DOCK9: variants seen among roughly 807,000 people sequenced by gnomAD.
DOCK9 encodes dedicator of cytokinesis protein 9.
DOCK9 carries 89 observed loss-of-function variants against 263.3 expected under a neutral mutation model. The ratio of observed to expected loss-of-function variants is 0.34; its 90% CI spans 0.28 to 0.40. DOCK9 has a LOEUF of 0.40. Among genes scored for constraint, DOCK9 ranks in the 10% least tolerant of loss-of-function variants. DOCK9 has a pLI of 1.00. For synonymous variants in DOCK9, 976 were observed against 973.1 expected, an observed-to-expected ratio of 1.00 and a Z score of -0.06; for missense variants, 2,140 against 2,603.4, an observed-to-expected ratio of 0.82 and a Z score of 3.87.
chr13:99,051,826 T>C (rs2040708006), intron 1 of DOCK9, among the ~76,000 whole-genome samples: 1 of 124,414 alleles, frequency 8.0e-6, no homozygotes, highest in Admixed American at 9.0e-5. Context: ...ATTTCCAGTT[T>C]GCAGCTAAAG....
At chr13:98,990,740 T>C (rs951289107) in intron 1 of DOCK9, among the ~76,000 whole-genome samples, 2 of 152,216 alleles carry the variant, frequency 1.3e-5, no homozygotes, top group Admixed American at 6.5e-5. Context: ...CAGCAATACA[T>C]ATGAGCACCC....
chr13:98,907,693 C>T (rs182315634), intron 9 of DOCK9, among the ~76,000 whole-genome samples: 3 of 152,238 alleles, frequency 2.0e-5, no homozygotes, highest in African/African-American at 4.8e-5. Flanking sequence ...AAAGCAAATT[C>T]GGCTTCTTAA....
In DOCK9 at chr13:98,977,796, CG is replaced by C; in HGVS notation, c.113del (p.Pro38ArgfsTer10). On this transcript the variant is annotated frameshift_variant, in exon 1 of 53. Coordinates refer to ENST00000682017, the MANE Select transcript of DOCK9 (RefSeq NM_001366683.2). LOFTEE classifies it high-confidence loss of function. ...AAQGEVEAES[P>X]GPVPAKPKLI... Reference sequence around the variant, plus strand: ...GAGACCCTCTTACCGGCACAGGGCCCGGGCTCTCTGCTTCCACTTCGCCCTG... The same window carrying C: ...GAGACCCTCTTACCGGCACAGGGCCCGGCTCTCTGCTTCCACTTCGCCCTG... 4.3e-6 allele frequency: 7 copies of C among 1,611,788 alleles called. No homozygotes were observed. The highest frequency in any genetic ancestry group is 5.9e-6 in the Non-Finnish European group (7 of 1,179,054).
intron 13 of DOCK9, among the ~76,000 whole-genome samples, chr13:98,900,631 T>A (rs1386732317): frequency 6.6e-6 from 1 of 152,194 alleles, no homozygotes; most frequent in African/African-American, 2.4e-5. Context: ...CAGCACTGAC[T>A]CATACATGAT....
chr13:99,048,499 G>A (rs958703581), intron 1 of DOCK9, among the ~76,000 whole-genome samples: 10 of 152,146 alleles, frequency 6.6e-5, no homozygotes, highest in Admixed American at 2.6e-4. Flanking sequence ...GGCTTATCAC[G>A]GAAAGCAAGG....
chr13:98,845,716 G>A (rs550925482), intron 38 of DOCK9, among the ~76,000 whole-genome samples: 3 of 152,342 alleles, frequency 2.0e-5, no homozygotes, highest in Admixed American at 6.5e-5. Flanking sequence ...GTTTAGTGCT[G>A]TAGTTGAGCA....
intron 1 of DOCK9, among the ~76,000 whole-genome samples, chr13:98,988,047 T>G (rs1265186873): frequency 2.0e-5 from 3 of 152,170 alleles, no homozygotes; most frequent in African/African-American, 7.2e-5. Flanking sequence ...TTCTTTCTAC[T>G]TATCTGTATA....
At chr13:98,908,149 G>A (rs2049400758) in intron 9 of DOCK9, among the ~76,000 whole-genome samples, 1 of 151,850 alleles carries the variant, frequency 6.6e-6, no homozygotes, top group African/African-American at 2.4e-5. Context: ...AAGCAAGTCA[G>A]GAAGAAAAAA....
chr13:98,958,403 T>A (rs2058299385), intron 1 of DOCK9, among the ~76,000 whole-genome samples: 1 of 152,174 alleles, frequency 6.6e-6, no homozygotes, highest in Non-Finnish European at 1.5e-5. Context: ...TGGGTGGGGG[T>A]GAGAGGCTCT....
intron 1 of DOCK9, among the ~76,000 whole-genome samples, chr13:98,986,990 A>G (rs1878614746): frequency 6.6e-6 from 1 of 152,160 alleles, no homozygotes; most frequent in Admixed American, 6.5e-5. Flanking sequence ...ACATCATATA[A>G]CTTAGAAGTA....
intron 2 of DOCK9, among the ~76,000 whole-genome samples, chr13:98,952,530 T>G (rs1013609543): frequency 2.0e-5 from 3 of 152,244 alleles, no homozygotes; most frequent in Admixed American, 6.5e-5. Flanking sequence ...CCAGTGCGCC[T>G]GGCCTATTCT....
chr13:98,838,364 C>T (rs1368010148), intron 38 of DOCK9, among the ~76,000 whole-genome samples: 1 of 152,146 alleles, frequency 6.6e-6, no homozygotes, highest in Non-Finnish European at 1.5e-5. Context: ...ACACATTGAG[C>T]GCTATGGAGG....
At chr13:99,074,103 C>A (rs1211196967) in intron 1 of DOCK9, among the ~76,000 whole-genome samples, 1 of 152,240 alleles carries the variant, frequency 6.6e-6, no homozygotes, top group Non-Finnish European at 1.5e-5. Context: ...AGGTGTTTTG[C>A]AAGAAGTGCA....
intron 22 of DOCK9, among the ~76,000 whole-genome samples, 165 bp from the exon 23 acceptor site, chr13:98,883,296 G>C (rs1176202059): frequency 6.6e-6 from 1 of 152,096 alleles, no homozygotes; most frequent in East Asian, 1.9e-4. Context: ...CGCCCTGGCT[G>C]GGGTGCAGTG....
intron 1 of DOCK9, among the ~76,000 whole-genome samples, chr13:98,991,783 A>C (rs2141714788): frequency 6.6e-6 from 1 of 152,124 alleles, no homozygotes; most frequent in South Asian, 2.1e-4. Flanking sequence ...TCGACTTTCC[A>C]ATCTCCTTGG....
At chr13:98,868,951 T>G (rs1429867599) in intron 27 of DOCK9, among the ~76,000 whole-genome samples, 1 of 152,192 alleles carries the variant, frequency 6.6e-6, no homozygotes, top group Non-Finnish European at 1.5e-5. Context: ...AGCTTCTGCA[T>G]CCATTCCCAA....
chr13:98,978,501 G>A (rs1298094955), upstream of DOCK9, among the ~76,000 whole-genome samples: 1 of 152,174 alleles, frequency 6.6e-6, no homozygotes, highest in Non-Finnish European at 1.5e-5. Flanking sequence ...ACAGGTGGAG[G>A]AAATGAGTTT....
intron 3 of DOCK9, among the ~76,000 whole-genome samples, chr13:98,929,374 C>T (rs2053556991): frequency 6.6e-6 from 1 of 152,032 alleles, no homozygotes; most frequent in African/African-American, 2.4e-5. Context: ...GAAACCCTGT[C>T]CCTACTAAAA....
At chr13:98,845,857 A>G (rs2141349942) in intron 38 of DOCK9, 67 bp downstream of exon 38, 2 of 1,580,402 alleles carry the variant, frequency 1.3e-6, no homozygotes, top group Non-Finnish European at 1.7e-6. Context: ...GGTGTGGCCT[A>G]GGGCTCTCCC....
Sources: allele counts gnomAD v4.1 joint callset (sites outside exome capture counted in the v4.1 genomes callset), GRCh38; gene constraint gnomAD v4.1.1; transcripts MANE v1.5; gene names NCBI Gene and HGNC (gene_info 2026-07-23, HGNC 2026-07-21).